The following USP34 variants were observed in gnomAD, a reference collection of about 807,000 sequenced individuals.
USP34 encodes ubiquitin specific peptidase 34, also known as ubiquitin carboxyl-terminal hydrolase 34.
Under a neutral mutation model 460.3 loss-of-function variants are expected in USP34, and 70 were observed. The observed-to-expected ratio is 0.15, with a 90% confidence interval of 0.13 to 0.19. The LOEUF is 0.19. Ranked by LOEUF, USP34 falls within the 10% of genes least tolerant of loss-of-function variation. The probability of loss-of-function intolerance (pLI) is 1.00; values close to 1 mark genes in which losing one functional copy is unlikely to be tolerated. For synonymous variants in USP34, 1,647 were observed against 1,405.3 expected (o/e 1.17, Z -3.85); for missense variants, 3,985 against 4,236.2 (o/e 0.94, Z 1.65).
intron 58 of USP34, among the ~76,000 whole-genome samples, chr2:61,230,736 T>C (rs774276412): frequency 1.2e-4 from 18 of 148,656 alleles, no homozygotes; most frequent in Non-Finnish European, 3.0e-5. Context: ...CCCAGCTACT[T>C]GGAAAGCTGA....
At chr2:61,221,691 A>G (rs1026505332) in intron 65 of USP34, 85 bp from the exon 66 acceptor site, 37 of 1,231,068 alleles carry the variant, frequency 3.0e-5, no homozygotes, top group Non-Finnish European at 3.6e-5. Flanking sequence ...TCTACTACAC[A>G]CTATATTTAA....
chr2:61,401,000 A>C (rs1693700313), intron 3 of USP34, among the ~76,000 whole-genome samples: 1 of 151,898 alleles, frequency 6.6e-6, no homozygotes, highest in Non-Finnish European at 1.5e-5. Flanking sequence ...AAATACAAAA[A>C]TTAGCTGGGC....
intron 20 of USP34, among the ~76,000 whole-genome samples, chr2:61,330,366 CTCAAGTTT>C (rs1366681174): frequency 1.3e-5 from 2 of 152,136 alleles, no homozygotes; most frequent in African/African-American, 4.8e-5. Flanking sequence ...TGCCTCAAGT[CTCAAGTTT>C]TAGGCAAGTG....
intron 68 of USP34, 116 bp from the exon 69 acceptor site, chr2:61,212,045 T>C: frequency 1.6e-6 from 2 of 1,278,294 alleles, no homozygotes; most frequent in Non-Finnish European, 2.1e-6. Context: ...AGCTAGATTA[T>C]ACTTCCATTC....
rs745691035 is a variant in USP34 at position 61,296,928 on chromosome 2, A to G, written c.4129-3T>C. ...TGAAGTTCTTCACATCGTAAGCTCT[A>G]CACAAATAAGAACAACTACTTTATC... is the stretch of plus-strand genomic sequence containing the variant. On this transcript the variant is annotated splice_polypyrimidine_tract_variant and splice_region_variant and intron_variant, in intron 29 of 79. Transcript: ENST00000398571. 6.2e-7 allele frequency: 1 copy of G among 1,608,284 alleles called. No homozygotes were observed. The highest frequency in any genetic ancestry group is 8.5e-7 in the Non-Finnish European group (1 of 1,178,438).
chr2:61,344,738 A>G lies in USP34; in HGVS notation c.2286-709T>C, dbSNP rs375088381. Among the ~76,000 whole-genome samples the G allele has an allele frequency of 1.2e-3, 187 of 152,274 alleles. 1 individual carries two copies. The highest frequency in any genetic ancestry group is 4.3e-3 in the African/African-American group (177 of 41,540). ...TTTTAACTGCTTTGTCTTCATCATG[A>G]GCTGTGCTGGGGACAACTGTGAATG... On this transcript the variant is annotated intron_variant, in intron 15 of 79. Transcript: ENST00000398571.
intron 48 of USP34, 150 bp from the exon 49 acceptor site, chr2:61,248,833 C>T: frequency 1.5e-6 from 1 of 646,850 alleles, no homozygotes; most frequent in Non-Finnish European, 2.4e-6. Context: ...CTTCTGAGAA[C>T]ACCCCGTGTC....
In USP34 at chr2:61,339,682, C is replaced by T; in HGVS notation, c.2501-1G>A. The T allele has an allele frequency of 7.0e-7, 1 of 1,429,196 alleles. No homozygotes were observed. The highest frequency in any genetic ancestry group is 9.2e-7 in the Non-Finnish European group (1 of 1,082,010). 88.5% of individuals were successfully genotyped at this position (1,429,196 alleles called of 1,614,324 possible). A position where few individuals can be genotyped will look rare whatever the true frequency, so the allele number is the denominator to read the frequency against. Reference sequence around the variant, plus strand: ...AATTGATGTTTATGAACTACAGGTCCTGAAGAGAAAAAAAAAAAAAAGACA... The same window carrying T: ...AATTGATGTTTATGAACTACAGGTCTTGAAGAGAAAAAAAAAAAAAAGACA... On this transcript the variant is annotated splice_acceptor_variant, in intron 16 of 79. Coordinates refer to ENST00000398571, the MANE Select transcript of USP34 (RefSeq NM_014709.4). LOFTEE classifies it high-confidence loss of function.
chr2:61,222,626 G>A lies in USP34; in HGVS notation c.7787C>T (p.Thr2596Ile). 1 of 1,612,088 alleles carries A rather than the reference G, an allele frequency of 6.2e-7. No homozygotes were observed. Among genetic ancestry groups the A allele is most frequent in the Non-Finnish European group, 8.5e-7 (1 of 1,178,598 alleles). ...SMLFTSIAKL[T>I]PEAANPFFKL... is the part of the protein sequence containing the mutation. ...TAACAAATGTTTACATACCTCAGGAGTCAACTTTGCTATTGATGTGAAAAG... is the reference window on the plus strand; with the variant it reads ...TAACAAATGTTTACATACCTCAGGAATCAACTTTGCTATTGATGTGAAAAG... The change falls in exon 65 of 80, where the codon ACT (threonine) becomes ATT (isoleucine). Residue 2596 changes from threonine to isoleucine, a missense_variant. Transcript: ENST00000398571.
At chr2:61,305,512 A>C (rs916463937) in intron 27 of USP34, among the ~76,000 whole-genome samples, 8 of 152,164 alleles carry the variant, frequency 5.3e-5, no homozygotes, top group African/African-American at 1.7e-4. Context: ...AAAAGGAAGA[A>C]AGAAAAGGAA....
chr2:61,362,003 G>A (rs1201960795), intron 10 of USP34, among the ~76,000 whole-genome samples: 1 of 151,980 alleles, frequency 6.6e-6, no homozygotes, highest in African/African-American at 2.4e-5. Context: ...ATAACCCTAT[G>A]TAGGGCAAAG....
chr2:61,302,686 A>T (rs988408025), intron 27 of USP34, among the ~76,000 whole-genome samples: 1 of 152,204 alleles, frequency 6.6e-6, no homozygotes, highest in Non-Finnish European at 1.5e-5. Flanking sequence ...TATCCATTCT[A>T]TATCATTTAA....
intron 29 of USP34, 27 bp downstream of exon 29, chr2:61,300,924 A>G: frequency 6.6e-7 from 1 of 1,516,462 alleles, no homozygotes; most frequent in South Asian, 1.2e-5. Context: ...ACACAAAACA[A>G]GATTTGTGAA....
In USP34 at chr2:61,280,260, A is replaced by C; in HGVS notation, c.5240T>G (p.Ile1747Arg). ...TGAACATACCTGACTAGCGTCCTTT[A>C]TATGTATGTTGTCAACTAATTTGCA... ...LLCKLVDNIH[I>R]KDASQTTLLD... The change falls in exon 39 of 80, where the codon ATA (isoleucine) becomes AGA (arginine). Residue 1747 changes from isoleucine (I) to arginine (R), a missense_variant. Ile to Arg is a moderately conservative substitution (Grantham distance 97). Coordinates refer to ENST00000398571, the MANE Select transcript of USP34 (RefSeq NM_014709.4). 6.4e-7 allele frequency: 1 copy of C among 1,553,636 alleles called. No individual in the cohort carries two copies. Among genetic ancestry groups the C allele is most frequent in the Non-Finnish European group, 8.7e-7 (1 of 1,150,250 alleles).
chr2:61,462,734 G>A (rs529130285), intron 1 of USP34, among the ~76,000 whole-genome samples: 3 of 151,406 alleles, frequency 2.0e-5, no homozygotes, highest in Admixed American at 2.0e-4. Context: ...GATGGCACAT[G>A]CCTATAATCC....
chr2:61,445,679 C>G (rs1695094485), intron 1 of USP34, among the ~76,000 whole-genome samples: 1 of 151,936 alleles, frequency 6.6e-6, no homozygotes, highest in Admixed American at 6.6e-5. Flanking sequence ...GTCTTACAGG[C>G]CAGGCACAGT....
At chr2:61,300,268 C>T (rs1396555337) in intron 29 of USP34, among the ~76,000 whole-genome samples, 1 of 152,044 alleles carries the variant, frequency 6.6e-6, no homozygotes, top group Non-Finnish European at 1.5e-5. Flanking sequence ...GCTCTGCCTA[C>T]CTTTCCAATT....
chr2:61,452,630 C>G (rs961620302), intron 1 of USP34, among the ~76,000 whole-genome samples: 2 of 151,740 alleles, frequency 1.3e-5, no homozygotes, highest in African/African-American at 4.8e-5. Flanking sequence ...GGCCTGTAAT[C>G]CCCAGCACTT....
Position 61,370,495 on chromosome 2 carries a change from A to C in USP34, c.1158+3T>G, listed in dbSNP as rs912703484. 4.3e-6 allele frequency: 7 copies of C among 1,613,676 alleles called. No homozygotes were observed. The African/African-American group carries it at 9.3e-5, about 22-fold the overall frequency. On this transcript the variant is annotated splice_donor_region_variant and intron_variant, in intron 9 of 79. Transcript: ENST00000398571. The stretch of plus-strand genomic sequence containing the variant: ...CAGAGAAGTTATGTAATCATCCACA[A>C]ACCTCAATATGTAAATTTGGTCCAA...
Sources: allele counts gnomAD v4.1 joint callset (sites outside exome capture counted in the v4.1 genomes callset), GRCh38; gene constraint gnomAD v4.1.1; transcripts MANE v1.5; gene names NCBI Gene and HGNC (gene_info 2026-07-23, HGNC 2026-07-21).